Variants in SEMA6D observed in about 807,000 individuals in gnomAD.
SEMA6D encodes semaphorin-6D.
In SEMA6D, 35 loss-of-function variants were observed where a neutral mutation model predicts 106.6. The observed-to-expected ratio is 0.33, with a 90% CI of 0.25 to 0.44. SEMA6D has a LOEUF of 0.44. Ranked by LOEUF, SEMA6D falls within the 20% of genes least tolerant of loss-of-function variation. The pLI, the probability that SEMA6D is intolerant of heterozygous loss-of-function variation, is 1.00. For synonymous variants in SEMA6D, 499 were observed against 487.7 expected (o/e 1.02, Z -0.31); for missense variants, 1,185 against 1,345.9 (o/e 0.88, Z 1.87).
intron 3 of SEMA6D, among the ~76,000 whole-genome samples, chr15:47,523,819 G>T (rs1295400252): frequency 6.6e-6 from 1 of 152,162 alleles, no homozygotes; most frequent in East Asian, 1.9e-4. Flanking sequence ...ACAGGAAATT[G>T]TGTCAATTCA....
At chr15:47,740,809 T>G (rs1328814271) in intron 1 of SEMA6D, among the ~76,000 whole-genome samples, 1 of 152,048 alleles carries the variant, frequency 6.6e-6, no homozygotes, top group Non-Finnish European at 1.5e-5. Context: ...GACAAAGGCT[T>G]GATGTTAGGT....
chr15:47,384,548 C>T (rs1308957998), intron 1 of SEMA6D, among the ~76,000 whole-genome samples: 1 of 152,354 alleles, frequency 6.6e-6, no homozygotes, highest in East Asian at 1.9e-4. Context: ...CAGGGGCCAG[C>T]AGAGGCCCTG....
At chr15:47,752,585 C>A (rs923390334) in intron 1 of SEMA6D, among the ~76,000 whole-genome samples, 3 of 152,140 alleles carry the variant, frequency 2.0e-5, no homozygotes, top group Non-Finnish European at 4.4e-5. Context: ...GAGACATGGA[C>A]AAATTTCAGC....
At chr15:47,569,505 G>C (rs2046322058) in intron 3 of SEMA6D, among the ~76,000 whole-genome samples, 1 of 152,126 alleles carries the variant, frequency 6.6e-6, no homozygotes. Flanking sequence ...TCAGCAGTGA[G>C]AGAACAGCTA....
At chr15:47,321,533 T>C (rs560360424) in intron 1 of SEMA6D, among the ~76,000 whole-genome samples, 121 of 112,532 alleles carry the variant, frequency 1.1e-3, no homozygotes, top group African/African-American at 3.0e-3. Flanking sequence ...GTTACGTTTT[T>C]TGTCATCATT....
At chr15:47,440,963 G>C (rs1567081469) in intron 2 of SEMA6D, among the ~76,000 whole-genome samples, 1 of 152,056 alleles carries the variant, frequency 6.6e-6, no homozygotes, top group Non-Finnish European at 1.5e-5. Context: ...AGGCTCATCT[G>C]TTTGTCCTCA....
At chr15:47,312,683 TA>T (rs1566990103) in intron 1 of SEMA6D, among the ~76,000 whole-genome samples, 2 of 152,296 alleles carry the variant, frequency 1.3e-5, no homozygotes, top group East Asian at 3.9e-4. Context: ...CTAATATCTA[TA>T]TTAAAAAGAT....
At chr15:47,621,267 C>A (rs959558784) in intron 4 of SEMA6D, among the ~76,000 whole-genome samples, 4 of 152,158 alleles carry the variant, frequency 2.6e-5, no homozygotes, top group Non-Finnish European at 5.9e-5. Context: ...TTGTCTCTGA[C>A]TTTTTGCTAA....
At chr15:47,342,867 C>T (rs529041482) in intron 1 of SEMA6D, among the ~76,000 whole-genome samples, 2 of 152,230 alleles carry the variant, frequency 1.3e-5, no homozygotes, top group Admixed American at 6.5e-5. Context: ...CATGCCACCA[C>T]ACCCAGCTAA....
intron 4 of SEMA6D, among the ~76,000 whole-genome samples, chr15:47,708,116 C>T (rs1265348807): frequency 6.6e-6 from 1 of 152,138 alleles, no homozygotes; most frequent in Non-Finnish European, 1.5e-5. Context: ...GCTGTATATC[C>T]TCCGGCTTGA....
rs79460003 is a variant in SEMA6D at position 47,376,477 on chromosome 15, G to A, written c.-238-35916G>A. ...GTTGGCTCCATCATAATGTCCACCC[G>A]GTGGTTATGTGAATGGTTGTTTATA... is the stretch of plus-strand genomic sequence containing the variant. On this transcript the variant is annotated intron_variant, in intron 1 of 19. Transcript: ENST00000558014. Among the ~76,000 whole-genome samples the A allele has an allele frequency of 3.5e-3, 529 of 152,286 alleles. 1 individual carries two copies. Among genetic ancestry groups the A allele is most frequent in the African/African-American group, 0.012 (484 of 41,562 alleles).
rs142382901 is a variant in SEMA6D at position 47,286,431 on chromosome 15, A to G, written c.-239+102013A>G. On this transcript the variant is annotated intron_variant, in intron 1 of 19. Coordinates refer to the SEMA6D transcript ENST00000558014. ...AATATGTATTGATTCATTTAAAACA[A>G]TAATAAACACATTAATATAAACATA... Among the ~76,000 whole-genome samples the G allele has an allele frequency of 6.2e-3, 952 of 152,326 alleles. 16 individuals carry two copies. Among genetic ancestry groups the G allele is most frequent in the African/African-American group, 0.022 (906 of 41,570 alleles).
At position 47,396,784 on chromosome 15, in the gene SEMA6D, A is replaced by G. The variant is rs572096887; in HGVS notation, c.-238-15609A>G. The G allele has an allele frequency of 2.6e-5, 4 of 152,276 alleles. No individual in the cohort carries two copies. The East Asian group carries it at 7.7e-4, about 29-fold the overall frequency. The allele number at this position is 152,276 out of a possible 1,614,324, so 9.4% of individuals were successfully genotyped here. ...TCAATACTTTACATCCTTCAGTCCA[A>G]TCAAGTTGATACTTAGTATTAATCC... On this transcript the variant is annotated intron_variant, in intron 1 of 19. Coordinates refer to the SEMA6D transcript ENST00000558014.
chr15:47,409,034 A>C (rs2146163972), intron 1 of SEMA6D, among the ~76,000 whole-genome samples: 1 of 152,358 alleles, frequency 6.6e-6, no homozygotes, highest in East Asian at 1.9e-4. Context: ...CACTTCAAGT[A>C]TTATTGTCTG....
At chr15:47,548,169 G>A (rs770474308) in intron 3 of SEMA6D, among the ~76,000 whole-genome samples, 1 of 152,096 alleles carries the variant, frequency 6.6e-6, no homozygotes, top group Non-Finnish European at 1.5e-5. Context: ...TAATTTGGTG[G>A]TTGGGAATCC....
chr15:47,200,087 C>T (rs1212068706), intron 1 of SEMA6D, among the ~76,000 whole-genome samples: 9 of 152,124 alleles, frequency 5.9e-5, no homozygotes, highest in Non-Finnish European at 5.9e-5. Context: ...TACTCCATAT[C>T]ACTACGTTCT....
intron 1 of SEMA6D, among the ~76,000 whole-genome samples, chr15:47,201,541 G>A (rs532800728): frequency 6.6e-6 from 1 of 152,076 alleles, no homozygotes; most frequent in East Asian, 1.9e-4. Context: ...TAGAAGTTTG[G>A]CAACATTACT....
chr15:47,688,780 G>A (rs544213458), intron 4 of SEMA6D, among the ~76,000 whole-genome samples: 1 of 152,228 alleles, frequency 6.6e-6, no homozygotes, highest in South Asian at 2.1e-4. Flanking sequence ...GAAAGATGAG[G>A]GATTGACGAA....
At chr15:47,301,604 C>T (rs1437705904) in intron 1 of SEMA6D, among the ~76,000 whole-genome samples, 1 of 152,250 alleles carries the variant, frequency 6.6e-6, no homozygotes, top group Non-Finnish European at 1.5e-5. Context: ...CTGATCTAAG[C>T]TCATTGCTGC....
Sources: allele counts gnomAD v4.1 joint callset (sites outside exome capture counted in the v4.1 genomes callset), GRCh38; gene constraint gnomAD v4.1.1; transcripts MANE v1.5; gene names NCBI Gene and HGNC (gene_info 2026-07-23, HGNC 2026-07-21).